The following MAP7D3 variants were observed in gnomAD, a reference collection of about 807,000 sequenced individuals.
MAP7D3 encodes the protein MAP7 domain-containing protein 3.
In MAP7D3, 45 loss-of-function variants were observed where a neutral mutation model predicts 62.2. The ratio of observed to expected loss-of-function variants is 0.72; its 90% CI spans 0.57 to 0.93. The LOEUF (loss-of-function observed/expected upper bound fraction) is 0.93. MAP7D3 is among the 40% of genes least tolerant of loss of function. The pLI, the probability that MAP7D3 is intolerant of heterozygous loss-of-function variation, is 0.00. For missense variants in MAP7D3, 711 were observed against 683.1 expected (o/e 1.04, Z -0.45); for synonymous variants, 288 against 248.8 (o/e 1.16, Z -1.48).
chrX:136,252,953 C>G (rs1439128150), upstream of MAP7D3, among the ~76,000 whole-genome samples: 1 of 109,659 alleles, frequency 9.1e-6, no homozygotes, highest in Non-Finnish European at 1.9e-5. Context: ...CAAAAATTAG[C>G]TGGGCGTCGT....
chrX:136,232,044 C>T lies in MAP7D3; in HGVS notation c.913G>A (p.Ala305Thr), dbSNP rs763857091. ...ACTTCCACATTCACCTGGGGGGGTG[C>T]ATCCACACTTGCCTTGGGAGGTGTC... The part of the protein sequence containing the change: ...VETPPKASVD[A>T]PPQVNVEVFC... The change falls in exon 8 of 19, where the codon GCA becomes ACA. Residue 305 changes from alanine to threonine, a missense_variant. Transcript: ENST00000316077. 1.1e-5 allele frequency: 13 copies of T among 1,211,084 alleles called. No individual in the cohort carries two copies. The East Asian group carries it at 3.8e-4, about 36-fold the overall frequency.
rs752938922 is a variant in MAP7D3 at position 136,225,975 on chromosome X, G to T, written c.2073C>A (p.Asp691Glu). The change falls in exon 13 of 19, where the codon GAC (aspartate) becomes GAA (glutamate). Residue 691 changes from aspartate to glutamate, a missense_variant. Physicochemically the swap from Asp to Glu is conservative, Grantham distance 45. Coordinates refer to ENST00000316077, the MANE Select transcript of MAP7D3 (RefSeq NM_024597.4). ...TTCTCTCGTGTTCTTTCTTGCGTTT[G>T]TCAGCTTCCTCTTGAGCTTTTATTT... ...DAKIKAQEEADKRKKEHERIM... is the reference protein window; with the variant it reads ...DAKIKAQEEAEKRKKEHERIM... 1.7e-6 allele frequency: 2 copies of T among 1,201,608 alleles called. No individual in the cohort carries two copies. Among genetic ancestry groups the T allele is most frequent in the African/African-American group, 3.5e-5 (2 of 56,719 alleles).
chrX:136,230,288 G>C (rs1284912737), intron 10 of MAP7D3, 97 bp downstream of exon 10: 3 of 507,347 alleles, frequency 5.9e-6, no homozygotes, highest in South Asian at 3.3e-5. Flanking sequence ...ATTCCCTAAA[G>C]TTCTCTCAAT....
chrX:136,224,665 C>T (rs1361163846), intron 14 of MAP7D3, among the ~76,000 whole-genome samples, 162 bp downstream of exon 14: 2 of 110,821 alleles, frequency 1.8e-5, no homozygotes, highest in Non-Finnish European at 3.8e-5. Context: ...AATATGAGAG[C>T]TAACTAAAGA....
At chrX:136,255,622 G>A (rs759903758), upstream of MAP7D3, among the ~76,000 whole-genome samples, 4 of 110,736 alleles carry the variant, frequency 3.6e-5, no homozygotes, top group Non-Finnish European at 7.6e-5. Context: ...GAGCTCCCAC[G>A]AGACTGTACA....
chrX:136,226,911 C>A (rs951594114), intron 12 of MAP7D3, among the ~76,000 whole-genome samples: 4 of 110,470 alleles, frequency 3.6e-5, no homozygotes, highest in Non-Finnish European at 7.6e-5. Flanking sequence ...GGCGGATCAC[C>A]TGAGGTCAGG....
downstream of MAP7D3, chrX:136,214,781 GCAGAATCTGCTGGTAGAGGC>G (rs1206098509): frequency 8.9e-6 from 1 of 112,391 alleles, no homozygotes; most frequent in Admixed American, 9.4e-5. Flanking sequence ...GCGCTGATCT[GCAGAATCTGCTGGTAGAGGC>G]CAGGGGTCTG....
At chrX:136,229,805 ATCC>A (rs1424259866) in intron 10 of MAP7D3, among the ~76,000 whole-genome samples, 1 of 106,340 alleles carries the variant, frequency 9.4e-6, no homozygotes, top group Non-Finnish European at 1.9e-5. Flanking sequence ...GTCTCAGGCA[ATCC>A]TCCTACCTCA....
At chrX:136,226,375 A>G (rs939923675) in intron 12 of MAP7D3, among the ~76,000 whole-genome samples, 11 of 111,792 alleles carry the variant, frequency 9.8e-5, no homozygotes, top group African/African-American at 3.6e-4. Flanking sequence ...CACCCTCCTG[A>G]GAAATGCAAG....
At chrX:136,219,784 A>G (rs760564150) in intron 16 of MAP7D3, 113 bp from the exon 17 acceptor site, 6 of 614,661 alleles carry the variant, frequency 9.8e-6, no homozygotes, top group Non-Finnish European at 1.7e-5. Context: ...ATTAAAAAAC[A>G]TTTCAGAATC....
In MAP7D3 at chrX:136,230,485, A is replaced by T. The variant is rs1219561705; in HGVS notation, c.1650T>A (p.Ser550=). 1 of 1,186,093 alleles carries T rather than the reference A, an allele frequency of 8.4e-7. No homozygotes were observed. The highest frequency in any genetic ancestry group is 1.1e-6 in the Non-Finnish European group (1 of 873,608). The change falls in exon 10 of 19, where the codon TCT becomes TCA. Residue 550 remains serine, a synonymous_variant. Coordinates refer to ENST00000316077, the MANE Select transcript of MAP7D3 (RefSeq NM_024597.4). ...TGACAGTACTTGATGCACTTTGCACAGACAGGGTGTGTTGAATAGGCATTA... is the reference window on the plus strand; with the variant it reads ...TGACAGTACTTGATGCACTTTGCACTGACAGGGTGTGTTGAATAGGCATTA... The part of the protein sequence containing the change: ...YKIMPIQHTL[S]VQSASSTVKK...
At chrX:136,224,562 A>C (rs577344970) in intron 14 of MAP7D3, among the ~76,000 whole-genome samples, 3 of 111,317 alleles carry the variant, frequency 2.7e-5, no homozygotes, top group Admixed American at 9.6e-5. Context: ...ACCAAAAAAG[A>C]AGCAGTATCT....
chrX:136,233,004 T>C (rs2074288805), intron 7 of MAP7D3, among the ~76,000 whole-genome samples: 2 of 111,540 alleles, frequency 1.8e-5, no homozygotes, highest in Non-Finnish European at 3.8e-5. Context: ...TAAAAATGCA[T>C]GTATAAAGTT....
Position 136,246,150 on chromosome X carries a change from TA to T in MAP7D3, c.170-3del, listed in dbSNP as rs369808467. 3.2e-3 allele frequency: 3,202 copies of T among 987,995 alleles called. 3 individuals are homozygous for T. Among genetic ancestry groups the T allele is most frequent in the Admixed American group, 4.2e-3 (156 of 37,308 alleles). 81.4% of individuals were successfully genotyped at this position (987,995 alleles called of 1,213,427 possible). On this transcript the variant is annotated splice_region_variant and splice_polypyrimidine_tract_variant and intron_variant, in intron 2 of 18. Coordinates refer to ENST00000316077, the MANE Select transcript of MAP7D3 (RefSeq NM_024597.4). ...TTTTAAGCATGGATCCATCGATTAC[TA>T]AAAAAAAAAGAATATAGTTAGATAT...
intron 4 of MAP7D3, among the ~76,000 whole-genome samples, chrX:136,242,447 CACT>C (rs1488508830): frequency 2.7e-5 from 3 of 110,355 alleles, no homozygotes; most frequent in Non-Finnish European, 5.7e-5. Context: ...TCCTCAGCAC[CACT>C]GAGTCTGGGT....
intron 6 of MAP7D3, among the ~76,000 whole-genome samples, chrX:136,239,044 T>C (rs147037720): frequency 0.015 from 1,706 of 112,235 alleles, 10 homozygotes; most frequent in Non-Finnish European, 0.022. Context: ...TCTTTCCTCA[T>C]CATTTTTACT....
In MAP7D3 at chrX:136,251,330, G is replaced by A. The variant is rs1396870827; in HGVS notation, c.29C>T (p.Ala10Val). The A allele has an allele frequency of 1.8e-6, 2 of 1,127,967 alleles. No homozygotes were observed. The highest frequency in any genetic ancestry group is 2.3e-6 in the Non-Finnish European group (2 of 859,460). 93.0% of individuals were successfully genotyped at this position (1,127,967 alleles called of 1,213,427 possible). A position where few individuals can be genotyped will look rare whatever the true frequency, so the allele number is the denominator to read the frequency against. Residue 10 changes from alanine (A) to valine (V), a missense_variant, in exon 1 of 19, where the codon GCT becomes GTT. By Grantham distance (64) the Ala-to-Val change is moderately conservative. Transcript: ENST00000316077. Reference sequence around the variant, plus strand: ...CTCTCTCAAGGATGGGCTGCCGCCAGCGCCAGCTGCGGCGCCGTCCGCCAT... The same window carrying A: ...CTCTCTCAAGGATGGGCTGCCGCCAACGCCAGCTGCGGCGCCGTCCGCCAT... MMADGAAAG[A>V]GGSPSLRELR...
At chrX:136,232,250 A>T in intron 7 of MAP7D3, 30 bp from the exon 8 acceptor site, 1 of 1,036,888 alleles carries the variant, frequency 9.6e-7, no homozygotes, top group Non-Finnish European at 1.3e-6. Flanking sequence ...GAAATTCCCT[A>T]AGTTAGAAAT....
In MAP7D3 at chrX:136,220,823, A is replaced by C; in HGVS notation, c.2428T>G (p.Leu810Val). The change falls in exon 16 of 19, where the codon TTG becomes GTG. Residue 810 changes from leucine to valine, a missense_variant. By Grantham distance (32) the Leu-to-Val change is conservative. Transcript: ENST00000316077. ...ATGCTTTTTTGTCTGAAGTTTTTCA[A>C]ATCGCCATTAAAATATGTTTTTGGC... ...KEPKTYFNGD[L>V]KNFRQKSMKD... 1 of 1,210,969 alleles carries C rather than the reference A, an allele frequency of 8.3e-7. No individual in the cohort carries two copies. The highest frequency in any genetic ancestry group is 1.1e-6 in the Non-Finnish European group (1 of 894,898).
Sources: gnomAD v4.1 joint callset for allele counts (sites outside exome capture counted in the v4.1 genomes callset) on GRCh38, gnomAD v4.1.1 for gene constraint, MANE v1.5 for transcripts, NCBI Gene and HGNC (gene_info 2026-07-23, HGNC 2026-07-21) for gene names.